WWC1: variants seen among roughly 807,000 people sequenced by gnomAD.
The protein encoded by WWC1 is WW and C2 domain containing 1.
A neutral mutation model predicts 138.4 loss-of-function variants in WWC1; 55 were observed. The observed-to-expected ratio is 0.40, with a 90% CI of 0.32 to 0.50. The LOEUF is 0.50. Ranked by LOEUF, WWC1 falls within the 20% of genes least tolerant of loss-of-function variation. The probability of loss-of-function intolerance (pLI) is 0.72; values close to 1 mark genes in which losing one functional copy is unlikely to be tolerated. For synonymous variants in WWC1, 524 were observed against 564.9 expected (o/e 0.93, Z 1.03); for missense variants, 1,226 against 1,420.4 (o/e 0.86, Z 2.20).
Position 168,470,254 on chromosome 5 carries a change from T to TGTTGCACCACTCAGCAAAGCAA in WWC1, c.*1247_*1268dup, listed in dbSNP as rs1347425857. The TGTTGCACCACTCAGCAAAGCAA allele has an allele frequency of 6.6e-6, 1 of 152,234 alleles. No homozygotes were observed. The highest frequency in any genetic ancestry group is 1.5e-5 in the Non-Finnish European group (1 of 68,040). The allele number at this position is 152,234 out of a possible 1,614,324, so 9.4% of individuals were successfully genotyped here. A position where few individuals can be genotyped will look rare whatever the true frequency, so the allele number is the denominator to read the frequency against. Reference sequence around the variant, plus strand: ...ACCCTGTGCAACTTTTCTCAAAGTCTGTTGCACCACTCAGCAAAGCAAGTT... The same window carrying TGTTGCACCACTCAGCAAAGCAA: ...ACCCTGTGCAACTTTTCTCAAAGTCTGTTGCACCACTCAGCAAAGCAAGTTGCACCACTCAGCAAAGCAAGTT... On this transcript the variant is annotated 3_prime_UTR_variant, in exon 23 of 23. Coordinates refer to ENST00000265293, the MANE Select transcript of WWC1 (RefSeq NM_015238.3).
intron 21 of WWC1, among the ~76,000 whole-genome samples, chr5:168,466,106 C>G (rs1757276187): frequency 6.6e-6 from 1 of 152,046 alleles, no homozygotes; most frequent in African/African-American, 2.4e-5. Flanking sequence ...CTATGGCTAA[C>G]AAATGTTGGG....
intron 17 of WWC1, among the ~76,000 whole-genome samples, chr5:168,452,764 TTCCTCCTCCTCC>T (rs34833216): frequency 6.6e-6 from 1 of 150,994 alleles, no homozygotes. Flanking sequence ...TCTCTCCCTC[TTCCTCCTCCTCC>T]TCCTCCTCCT....
At chr5:168,468,030 CTG>C (rs1446366572) in intron 22 of WWC1, 66 bp downstream of exon 22, 6 of 1,600,064 alleles carry the variant, frequency 3.7e-6, no homozygotes, top group Admixed American at 3.4e-5. Flanking sequence ...AGTCTTCTGT[CTG>C]TGGTCTTACT....
At chr5:168,358,714 A>G (rs1775644758) in intron 1 of WWC1, among the ~76,000 whole-genome samples, 1 of 151,916 alleles carries the variant, frequency 6.6e-6, no homozygotes, top group African/African-American at 2.4e-5. Flanking sequence ...TTTTCTTACA[A>G]CTTTATTGAG....
chr5:168,364,164 T>C (rs1028067811), intron 1 of WWC1, among the ~76,000 whole-genome samples: 4 of 152,008 alleles, frequency 2.6e-5, no homozygotes, highest in Non-Finnish European at 5.9e-5. Context: ...AGAAAACTCC[T>C]CTCAAGCAGG....
At chr5:168,437,402 C>T (rs1233318218) in intron 15 of WWC1, among the ~76,000 whole-genome samples, 1 of 152,162 alleles carries the variant, frequency 6.6e-6, no homozygotes, top group Non-Finnish European at 1.5e-5. Flanking sequence ...GTTATAGTTT[C>T]ATTGGCAACT....
chr5:168,295,723 C>T (rs907143069), intron 1 of WWC1, among the ~76,000 whole-genome samples: 5 of 152,130 alleles, frequency 3.3e-5, no homozygotes, highest in Non-Finnish European at 7.4e-5. Flanking sequence ...GTGTGCTGGC[C>T]GGCCAGGAGC....
intron 1 of WWC1, among the ~76,000 whole-genome samples, chr5:168,315,276 T>A (rs1226574724): frequency 6.6e-6 from 1 of 151,978 alleles, no homozygotes; most frequent in African/African-American, 2.4e-5. Flanking sequence ...AAATGCAGAT[T>A]CCTGGGCCGC....
chr5:168,436,614 A>G (rs1582292526), intron 15 of WWC1, among the ~76,000 whole-genome samples: 2 of 152,064 alleles, frequency 1.3e-5, no homozygotes, highest in South Asian at 4.1e-4. Flanking sequence ...AATGCCCCTG[A>G]CCTTTCATCC....
At chr5:168,463,029 C>T (rs1046104996) in intron 20 of WWC1, among the ~76,000 whole-genome samples, 3 of 152,180 alleles carry the variant, frequency 2.0e-5, no homozygotes, top group Admixed American at 6.5e-5. Flanking sequence ...GCTTGCCAGC[C>T]GTGCAAAATG....
intron 11 of WWC1, among the ~76,000 whole-genome samples, chr5:168,425,208 C>T (rs544772355): frequency 6.6e-6 from 1 of 152,224 alleles, no homozygotes; most frequent in East Asian, 1.9e-4. Flanking sequence ...CCCTTATTGT[C>T]ATGCCTTAGG....
At chr5:168,310,860 T>TA (rs1469470526) in intron 1 of WWC1, among the ~76,000 whole-genome samples, 1 of 124,902 alleles carries the variant, frequency 8.0e-6, no homozygotes, top group East Asian at 2.0e-4. Flanking sequence ...AACTTGGAGA[T>TA]ACGTTTCTTT....
chr5:168,428,589 G>A (rs921999816), intron 12 of WWC1, 118 bp from the exon 13 acceptor site: 13 of 929,966 alleles, frequency 1.4e-5, no homozygotes, highest in Middle Eastern at 2.3e-4. Context: ...TTTAAAAAAG[G>A]ACCTGAAGGG....
intron 15 of WWC1, among the ~76,000 whole-genome samples, chr5:168,440,107 A>T (rs1162959196): frequency 6.6e-6 from 1 of 152,240 alleles, no homozygotes; most frequent in Non-Finnish European, 1.5e-5. Context: ...TGGGTATTCA[A>T]CAACAAAAAA....
chr5:168,376,539 T>G (rs1450904153), intron 2 of WWC1, among the ~76,000 whole-genome samples: 1 of 152,192 alleles, frequency 6.6e-6, no homozygotes. Flanking sequence ...CCCTAAAGAT[T>G]CTGCCAAAAG....
chr5:168,451,903 CTT>C (rs3085192), intron 17 of WWC1, among the ~76,000 whole-genome samples: 126 of 108,492 alleles, frequency 1.2e-3, no homozygotes, highest in South Asian at 1.5e-3. Flanking sequence ...TTGTTGGTGT[CTT>C]TTTTTTTTTT....
intron 10 of WWC1, among the ~76,000 whole-genome samples, chr5:168,423,290 T>A (rs1399442499): frequency 6.6e-6 from 1 of 151,978 alleles, no homozygotes; most frequent in African/African-American, 2.4e-5. Flanking sequence ...AAACACAGAT[T>A]TAGAGGAAAA....
chr5:168,418,482 C>T (rs116826071), intron 9 of WWC1, among the ~76,000 whole-genome samples: 2,451 of 152,282 alleles, frequency 0.016, 72 homozygotes, highest in African/African-American at 0.056. Flanking sequence ...CTCTGCCTGC[C>T]TCCATGCTTG....
At chr5:168,301,090 CCA>C (rs1169279277) in intron 1 of WWC1, among the ~76,000 whole-genome samples, 2 of 152,182 alleles carry the variant, frequency 1.3e-5, no homozygotes, top group African/African-American at 4.8e-5. Context: ...AGATCCTTAT[CCA>C]TTGTCTGTCA....
Sources: gnomAD v4.1 joint callset for allele counts (sites outside exome capture counted in the v4.1 genomes callset) on GRCh38, gnomAD v4.1.1 for gene constraint, MANE v1.5 for transcripts, NCBI Gene and HGNC (gene_info 2026-07-23, HGNC 2026-07-21) for gene names.